Variants in DYTN observed in about 807,000 individuals in gnomAD.
DYTN encodes the protein dystrotelin.
A neutral mutation model predicts 69.6 loss-of-function variants in DYTN; 75 were observed. The observed-to-expected ratio is 1.08, with a 90% confidence interval of 0.89 to 1.31. DYTN has a LOEUF of 1.31. DYTN is among the 50% of genes most tolerant of loss of function. The pLI, the probability that DYTN is intolerant of heterozygous loss-of-function variation, is 0.00. For missense variants in DYTN, 726 were observed against 688.4 expected, an observed-to-expected ratio of 1.05 and a Z score of -0.61; for synonymous variants, 252 against 249.1, an observed-to-expected ratio of 1.01 and a Z score of -0.11.
Position 206,704,911 on chromosome 2 carries a change from C to G in DYTN, c.415G>C (p.Gly139Arg), listed in dbSNP as rs560966818. 1.2e-6 allele frequency: 2 copies of G among 1,613,794 alleles called. No individual in the cohort carries two copies. The highest frequency in any genetic ancestry group is 8.5e-7 in the Non-Finnish European group (1 of 1,179,808). The stretch of plus-strand genomic sequence containing the variant: ...ATGCGTGGCCCAGAATCATAGCCTC[C>G]CCTGCTATTTTCTGCATAGAGTTGA... The part of the protein sequence containing the change: ...LFQLYAENSR[G>R]GYDSGPRMTR... The change falls in exon 5 of 12, where the codon GGA becomes CGA. Residue 139 changes from glycine (G) to arginine (R), a missense_variant. Coordinates refer to ENST00000452335, the MANE Select transcript of DYTN (RefSeq NM_001093730.1).
intron 1 of DYTN, among the ~76,000 whole-genome samples, chr2:206,711,077 C>T (rs2105902572): frequency 6.6e-6 from 1 of 152,270 alleles, no homozygotes; most frequent in South Asian, 2.1e-4. Flanking sequence ...TAGCATTCAA[C>T]TAGATAGATA....
At chr2:206,663,497 C>T (rs1699536744) in intron 10 of DYTN, 102 bp from the exon 11 acceptor site, 2 of 1,251,304 alleles carry the variant, frequency 1.6e-6, no homozygotes, top group Non-Finnish European at 2.1e-6. Flanking sequence ...TAATGCAAGA[C>T]TTTTCTTTCT....
chr2:206,651,952 A>G, intron 11 of DYTN, 31 bp from the exon 12 acceptor site: 2 of 1,584,692 alleles, frequency 1.3e-6, no homozygotes, highest in Non-Finnish European at 1.7e-6. Context: ...AGTCATTTAG[A>G]GAAACATACC....
At position 206,712,850 on chromosome 2, in the gene DYTN, G is replaced by A. The variant is rs1574605694; in HGVS notation, c.20-2252C>T. Among the ~76,000 whole-genome samples, 3 of 152,312 alleles carry A rather than the reference G, an allele frequency of 2.0e-5. No homozygotes were observed. In the South Asian group the frequency reaches 6.2e-4, roughly 32 times the overall value. The stretch of plus-strand genomic sequence containing the variant: ...CAGAGGTGGGTACATACCAAAGTCA[G>A]GCAAGTAATGTTCCAATGAATCTGG... On this transcript the variant is annotated intron_variant, in intron 1 of 11. Transcript: ENST00000452335.
Position 206,717,043 on chromosome 2 carries a change from AACAC to A in DYTN, c.19+1214_19+1217del, listed in dbSNP as rs71852382. Among the ~76,000 whole-genome samples the A allele has an allele frequency of 6.9e-3, 982 of 143,282 alleles. 4 individuals carry two copies. The highest frequency in any genetic ancestry group is 0.021 in the Middle Eastern group (6 of 282). The allele number at this position is 143,282 out of a possible 152,430, so 94.0% of individuals were successfully genotyped here. A position where few individuals can be genotyped will look rare whatever the true frequency, so the allele number is the denominator to read the frequency against. On this transcript the variant is annotated intron_variant, in intron 1 of 11. Coordinates refer to ENST00000452335, the MANE Select transcript of DYTN (RefSeq NM_001093730.1). ...TTTACATTTTTTTTCTGCCGATGCA[AACAC>A]ACACACACACACACACACACACACA...
intron 11 of DYTN, among the ~76,000 whole-genome samples, chr2:206,653,084 A>G (rs1238025866): frequency 1.3e-5 from 2 of 152,172 alleles, no homozygotes; most frequent in Non-Finnish European, 2.9e-5. Flanking sequence ...TGCATTTTTT[A>G]TCCCACTTAT....
chr2:206,690,175 G>C (rs1428289449), intron 9 of DYTN, among the ~76,000 whole-genome samples: 3 of 152,194 alleles, frequency 2.0e-5, no homozygotes, highest in African/African-American at 7.2e-5. Context: ...CTACATTTGA[G>C]CAAAGACCTC....
At chr2:206,714,588 G>A (rs1315933506) in intron 1 of DYTN, among the ~76,000 whole-genome samples, 3 of 152,208 alleles carry the variant, frequency 2.0e-5, no homozygotes, top group African/African-American at 4.8e-5. Flanking sequence ...TCCTGGAGGC[G>A]GAGAGAGGCT....
intron 9 of DYTN, among the ~76,000 whole-genome samples, chr2:206,668,068 A>G (rs937922835): frequency 6.6e-6 from 1 of 152,216 alleles, no homozygotes. Flanking sequence ...AGTTTCAGGT[A>G]TATCTTTATG....
chr2:206,675,241 GTAAA>G (rs901909001), intron 9 of DYTN, among the ~76,000 whole-genome samples: 9 of 143,266 alleles, frequency 6.3e-5, no homozygotes, highest in African/African-American at 2.3e-4. Context: ...ATGTATATAT[GTAAA>G]TAAACATATA....
intron 9 of DYTN, among the ~76,000 whole-genome samples, chr2:206,675,945 G>A (rs1349596913): frequency 6.6e-6 from 1 of 152,184 alleles, no homozygotes; most frequent in Non-Finnish European, 1.5e-5. Flanking sequence ...TGCTGGTGAG[G>A]TTGTGGAGAA....
chr2:206,695,091 T>A (rs1699906963), intron 7 of DYTN, among the ~76,000 whole-genome samples: 1 of 152,176 alleles, frequency 6.6e-6, no homozygotes, highest in Admixed American at 6.5e-5. Context: ...TATTTTCAAA[T>A]GGCATTATAT....
chr2:206,680,450 A>G (rs1699738736), intron 9 of DYTN, among the ~76,000 whole-genome samples: 1 of 152,188 alleles, frequency 6.6e-6, no homozygotes, highest in South Asian at 2.1e-4. Context: ...ACAAACATCA[A>G]TATGTATTTT....
At chr2:206,671,169 G>T (rs1404459124) in intron 9 of DYTN, among the ~76,000 whole-genome samples, 3 of 152,068 alleles carry the variant, frequency 2.0e-5, no homozygotes, top group Non-Finnish European at 4.4e-5. Context: ...CCAGCCCTTG[G>T]CTCCCACACA....
At chr2:206,677,946 T>A (rs1230104614) in intron 9 of DYTN, among the ~76,000 whole-genome samples, 2 of 151,708 alleles carry the variant, frequency 1.3e-5, no homozygotes, top group East Asian at 3.9e-4. Context: ...GCCAAGATAG[T>A]GCCCCTGTGC....
At chr2:206,692,358 C>A (rs1353752428) in intron 9 of DYTN, among the ~76,000 whole-genome samples, 1 of 151,784 alleles carries the variant, frequency 6.6e-6, no homozygotes, top group Non-Finnish European at 1.5e-5. Context: ...TCACAAAAAC[C>A]TTTTAAAGGT....
chr2:206,680,318 A>G (rs1287356930), intron 9 of DYTN, among the ~76,000 whole-genome samples: 1 of 152,168 alleles, frequency 6.6e-6, no homozygotes, highest in East Asian at 1.9e-4. Context: ...CCCATGATTC[A>G]ATTACCTCCC....
rs1287012094 is a variant in DYTN at position 206,663,221 on chromosome 2, T to C, written c.1315A>G (p.Ser439Gly). Reference sequence around the variant, plus strand: ...TCTGCATTTGTGTGACTTCTGTGACTTCTGTCAACCTCATCAAGCTTAGGA... The same window carrying C: ...TCTGCATTTGTGTGACTTCTGTGACCTCTGTCAACCTCATCAAGCTTAGGA... Reference protein sequence around the residue: ...PLPKLDEVDRSHRSHTNAEHA... With the variant: ...PLPKLDEVDRGHRSHTNAEHA... Residue 439 changes from serine to glycine, a missense_variant, in exon 11 of 12, where the codon AGT becomes GGT. Coordinates refer to ENST00000452335, the MANE Select transcript of DYTN (RefSeq NM_001093730.1). 1.9e-6 allele frequency: 3 copies of C among 1,614,036 alleles called. No individual in the cohort carries two copies.
At chr2:206,685,268 C>T (rs1293378277) in intron 9 of DYTN, among the ~76,000 whole-genome samples, 2 of 152,052 alleles carry the variant, frequency 1.3e-5, no homozygotes, top group Non-Finnish European at 2.9e-5. Context: ...CTCAAGCGAT[C>T]CTCCCATCTC....
Sources: allele counts gnomAD v4.1 joint callset (sites outside exome capture counted in the v4.1 genomes callset), GRCh38; gene constraint gnomAD v4.1.1; transcripts MANE v1.5; gene names NCBI Gene and HGNC (gene_info 2026-07-23, HGNC 2026-07-21).